The following VPS50 variants were observed in gnomAD, a reference collection of about 807,000 sequenced individuals.
VPS50 encodes syndetin.
VPS50 carries 70 observed loss-of-function variants against 139.7 expected under a neutral mutation model. The ratio of observed to expected loss-of-function variants is 0.50; its 90% CI spans 0.41 to 0.61. The LOEUF (loss-of-function observed/expected upper bound fraction) is 0.61. VPS50 is among the 20% of genes least tolerant of loss of function. The pLI is 0.00. For synonymous variants in VPS50, 365 were observed against 376.7 expected, an observed-to-expected ratio of 0.97 and a Z score of 0.36; for missense variants, 921 against 1,133.7, an observed-to-expected ratio of 0.81 and a Z score of 2.69.
At chr7:93,327,577 A>ATAT (rs1342834915) in intron 21 of VPS50, among the ~76,000 whole-genome samples, 1 of 152,222 alleles carries the variant, frequency 6.6e-6, no homozygotes, top group Non-Finnish European at 1.5e-5. Flanking sequence ...CTGATATTTT[A>ATAT]TATTTAAACC....
At chr7:93,297,013 T>TTTTTTCACA in intron 15 of VPS50, 132 bp from the exon 16 acceptor site, 2 of 1,451,812 alleles carry the variant, frequency 1.4e-6, no homozygotes, top group Non-Finnish European at 1.8e-6. Context: ...CTTTATGGAT[T>TTTTTTCACA]TGTGATCTTT....
intron 20 of VPS50, 94 bp downstream of exon 20, chr7:93,311,366 C>G (rs1003081514): frequency 8.5e-6 from 6 of 704,408 alleles, no homozygotes; most frequent in Middle Eastern, 3.7e-4. Flanking sequence ...TTGTATACTC[C>G]AGTGCTCTAT....
chr7:93,360,281 C>G lies in VPS50; in HGVS notation c.*1845C>G, dbSNP rs1336273371. The stretch of plus-strand genomic sequence containing the variant: ...TTTTCCAAGGTAATAGGAATTGATA[C>G]AAAAGAATTACTTATCTTGTTAGAG... On this transcript the variant is annotated 3_prime_UTR_variant, in exon 28 of 28. Coordinates refer to ENST00000305866, the MANE Select transcript of VPS50 (RefSeq NM_017667.4). 2 of 151,876 alleles carry G rather than the reference C, an allele frequency of 1.3e-5. No homozygotes were observed. The highest frequency in any genetic ancestry group is 2.9e-5 in the Non-Finnish European group (2 of 67,988). 9.4% of individuals were successfully genotyped at this position (151,876 alleles called of 1,614,324 possible).
At chr7:93,342,996 G>A (rs1452289312) in intron 23 of VPS50, among the ~76,000 whole-genome samples, 10 of 152,328 alleles carry the variant, frequency 6.6e-5, no homozygotes, top group Middle Eastern at 3.4e-3. Context: ...TGACTTTGAC[G>A]AGCTGAGAGA....
intron 2 of VPS50, among the ~76,000 whole-genome samples, chr7:93,248,205 T>C (rs1795213288): frequency 6.6e-6 from 1 of 151,982 alleles, no homozygotes; most frequent in South Asian, 2.1e-4. Context: ...TATAATTTTT[T>C]TCTTAAATCA....
intron 23 of VPS50, among the ~76,000 whole-genome samples, chr7:93,343,366 C>G (rs1334123458): frequency 6.6e-6 from 1 of 152,096 alleles, no homozygotes; most frequent in Non-Finnish European, 1.5e-5. Flanking sequence ...ATTGGTGTAC[C>G]TGAAAGTGAC....
At chr7:93,277,968 A>T (rs1467897220) in intron 12 of VPS50, among the ~76,000 whole-genome samples, 1 of 152,048 alleles carries the variant, frequency 6.6e-6, no homozygotes, top group Non-Finnish European at 1.5e-5. Context: ...GCAATTTATT[A>T]TGTTAGCAAT....
chr7:93,278,638 A>C (rs1183571208), intron 12 of VPS50, among the ~76,000 whole-genome samples: 1 of 150,508 alleles, frequency 6.6e-6, no homozygotes, highest in Admixed American at 6.6e-5. Context: ...CTTTTGAAGT[A>C]GTTGTGTATA....
chr7:93,237,637 A>G (rs1010666541), intron 1 of VPS50, among the ~76,000 whole-genome samples: 3 of 152,216 alleles, frequency 2.0e-5, no homozygotes, highest in Non-Finnish European at 4.4e-5. Flanking sequence ...AGTTAAGCAA[A>G]TCTATACAGA....
rs1349536984 is a variant in VPS50 at position 93,232,386 on chromosome 7, C to T, written c.-82C>T. On this transcript the variant is annotated 5_prime_UTR_variant, in exon 1 of 28. Transcript: ENST00000305866. ...TCCACGTGACCACCCACTATGGCTT[C>T]CTAGTGTCAGGGCCAGCTGTGTAGT... is the stretch of plus-strand genomic sequence containing the variant. 1.2e-5 allele frequency: 15 copies of T among 1,208,186 alleles called. No homozygotes were observed. The highest frequency in any genetic ancestry group is 1.5e-5 in the Non-Finnish European group (12 of 812,146). 74.8% of individuals were successfully genotyped at this position (1,208,186 alleles called of 1,614,324 possible).
chr7:93,334,416 G>A (rs1384230018), intron 22 of VPS50, among the ~76,000 whole-genome samples: 1 of 152,146 alleles, frequency 6.6e-6, no homozygotes, highest in Non-Finnish European at 1.5e-5. Flanking sequence ...TCTAGCACAA[G>A]TTCAAAGAAG....
At chr7:93,311,864 G>A (rs1797278890) in intron 20 of VPS50, among the ~76,000 whole-genome samples, 1 of 152,002 alleles carries the variant, frequency 6.6e-6, no homozygotes, top group Non-Finnish European at 1.5e-5. Context: ...CATCTTGTAT[G>A]CTTTTAGCCT....
At chr7:93,261,217 A>G (rs1795660689) in intron 9 of VPS50, among the ~76,000 whole-genome samples, 1 of 152,326 alleles carries the variant, frequency 6.6e-6, no homozygotes, top group African/African-American at 2.4e-5. Flanking sequence ...GTAACAGCTT[A>G]TTGGGTGAAA....
intron 2 of VPS50, among the ~76,000 whole-genome samples, chr7:93,251,442 G>C (rs957276235): frequency 6.0e-5 from 9 of 149,186 alleles, no homozygotes; most frequent in Non-Finnish European, 1.3e-4. Context: ...ACCAAACACT[G>C]CATGTTCTCA....
At position 93,300,816 on chromosome 7, in the gene VPS50, T is replaced by C. The variant is rs533118957; in HGVS notation, c.1362-2644T>C. Among the ~76,000 whole-genome samples, 10 of 151,774 alleles carry C rather than the reference T, an allele frequency of 6.6e-5. No homozygotes were observed. In the South Asian group the frequency reaches 1.9e-3, roughly 28 times the overall value. ...AGAAAAATATATATAATATAAAAAGTAAAAATATATATGATTGATCAAAAA... is the reference window on the plus strand; with the variant it reads ...AGAAAAATATATATAATATAAAAAGCAAAAATATATATGATTGATCAAAAA... On this transcript the variant is annotated intron_variant, in intron 16 of 27. Transcript: ENST00000305866.
At chr7:93,326,081 AT>A (rs1351358944) in intron 21 of VPS50, among the ~76,000 whole-genome samples, 1 of 152,136 alleles carries the variant, frequency 6.6e-6, no homozygotes, top group African/African-American at 2.4e-5. Flanking sequence ...GATCAAGAAA[AT>A]GTGGCACATA....
chr7:93,296,717 G>C, intron 14 of VPS50, 25 bp from the exon 15 acceptor site: 1 of 1,595,846 alleles, frequency 6.3e-7, no homozygotes, highest in Non-Finnish European at 8.5e-7. Context: ...GGGTTTGCTT[G>C]ATTTTCTTTT....
At chr7:93,262,553 T>C (rs1422862121) in intron 9 of VPS50, among the ~76,000 whole-genome samples, 1 of 152,254 alleles carries the variant, frequency 6.6e-6, no homozygotes, top group African/African-American at 2.4e-5. Flanking sequence ...ATTGGTCTTA[T>C]TCTCTGCAAA....
At chr7:93,268,815 T>G (rs1048500173) in intron 9 of VPS50, among the ~76,000 whole-genome samples, 1 of 152,166 alleles carries the variant, frequency 6.6e-6, no homozygotes, top group Admixed American at 6.6e-5. Context: ...AGTGCTGCAG[T>G]GAGCATACAC....
Sources: gnomAD v4.1 joint callset for allele counts (sites outside exome capture counted in the v4.1 genomes callset) on GRCh38, gnomAD v4.1.1 for gene constraint, MANE v1.5 for transcripts, NCBI Gene and HGNC (gene_info 2026-07-23, HGNC 2026-07-21) for gene names.